THTPA: variants seen among roughly 807,000 people sequenced by gnomAD.
The protein encoded by THTPA is thiamine triphosphatase, also known as thiamine-triphosphatase.
Under a neutral mutation model 16.5 loss-of-function variants are expected in THTPA, and 16 were observed. The observed-to-expected ratio is 0.97, with a 90% CI of 0.66 to 1.47. The LOEUF is 1.47. Among genes scored for constraint, THTPA ranks in the 40% most tolerant of loss-of-function variants. The pLI, the probability that THTPA is intolerant of heterozygous loss-of-function variation, is 0.00. For missense variants in THTPA, 281 were observed against 280.9 expected, an observed-to-expected ratio of 1.00 and a Z score of 0.00; for synonymous variants, 110 against 115.5, an observed-to-expected ratio of 0.95 and a Z score of 0.30.
chr14:23,541,184 G>T, the THTPA span, among the ~76,000 whole-genome samples: 1 of 151,942 alleles, frequency 6.6e-6, no homozygotes, highest in East Asian at 1.9e-4. Flanking sequence ...GGGATTACAG[G>T]TGTGAGCCAC....
chr14:23,526,789 T>C, the THTPA span: 2 of 1,525,580 alleles, frequency 1.3e-6, no homozygotes, highest in Non-Finnish European at 1.8e-6. Context: ...TCAGACCTTG[T>C]TGGCCCATGG....
the THTPA span, among the ~76,000 whole-genome samples, chr14:23,529,066 T>C: frequency 6.6e-6 from 1 of 152,254 alleles, no homozygotes; most frequent in East Asian, 1.9e-4. Flanking sequence ...ACACTGCGTA[T>C]TGCAATAACA....
At chr14:23,541,488 T>C in the THTPA span, among the ~76,000 whole-genome samples, 1 of 151,948 alleles carries the variant, frequency 6.6e-6, no homozygotes, top group South Asian at 2.1e-4. Flanking sequence ...AGCTTCTCCA[T>C]GTTGGTCAGG....
At chr14:23,555,333 C>A (rs1018211265), upstream of THTPA, among the ~76,000 whole-genome samples, 1 of 152,128 alleles carries the variant, frequency 6.6e-6, no homozygotes, top group South Asian at 2.1e-4. Flanking sequence ...TAGTTCTACA[C>A]CTGACAAAAA....
the THTPA span, chr14:23,524,404 T>G: frequency 3.9e-6 from 6 of 1,536,194 alleles, no homozygotes; most frequent in Non-Finnish European, 5.2e-6. The surrounding 1 kb of genome is among the most constrained non-coding windows in gnomAD (Gnocchi z 5.6). Context: ...CTCCTCCCCC[T>G]GCTTCACTGC....
chr14:23,552,543 G>C (rs543665405), upstream of THTPA, among the ~76,000 whole-genome samples: 55 of 150,726 alleles, frequency 3.6e-4, no homozygotes, highest in Admixed American at 2.0e-3. Flanking sequence ...CGCCTGCCTC[G>C]GCCTCCCAAA....
chr14:23,522,590 G>C, the THTPA span: 3 of 1,528,356 alleles, frequency 2.0e-6, no homozygotes, highest in Non-Finnish European at 2.6e-6. Context: ...CTGTAGCTGG[G>C]GGCCAAAGAC....
At chr14:23,553,397 C>T (rs34534076), upstream of THTPA, among the ~76,000 whole-genome samples, 13,896 of 149,084 alleles carry the variant, frequency 0.093, 882 homozygotes, top group East Asian at 0.25. Context: ...GTCAGGAGTT[C>T]GAGACCAGCC....
chr14:23,557,789 C>A (rs909169910), intron 1 of THTPA, among the ~76,000 whole-genome samples: 1 of 152,100 alleles, frequency 6.6e-6, no homozygotes, highest in Non-Finnish European at 1.5e-5. Context: ...CACTCCTCCA[C>A]AAGGAGTAAA....
At chr14:23,521,757 T>G in the THTPA span, 1 of 845,252 alleles carries the variant, frequency 1.2e-6, no homozygotes, top group Non-Finnish European at 1.7e-6. Flanking sequence ...GGAGGATCAA[T>G]GTGTGTGTCT....
rs1054151968 is a variant in THTPA at position 23,556,787 on chromosome 14, A to T, written c.30A>T (p.Arg10=). Residue 10 remains arginine, a synonymous_variant, in exon 1 of 2, where the codon CGA becomes CGT. Transcript: ENST00000288014. ...CCCAGGGCTTGATTGAGGTGGAGCG[A>T]AAGTTCCTTCCAGGGCCTGGCACAG... MAQGLIEVE[R]KFLPGPGTEE... 5.6e-6 allele frequency: 9 copies of T among 1,613,580 alleles called. No individual in the cohort carries two copies. In the African/African-American group the frequency reaches 1.1e-4, roughly 19 times the overall value.
the THTPA span, chr14:23,523,622 C>T: frequency 6.4e-7 from 1 of 1,558,064 alleles, no homozygotes. This position sits in a 1 kb window ranked among gnomAD's most constrained non-coding sequence, Gnocchi z 4.1. Flanking sequence ...CTGGATGACT[C>T]TCTTGGGCAG....
chr14:23,512,152 C>T, the THTPA span, among the ~76,000 whole-genome samples: 8 of 152,096 alleles, frequency 5.3e-5, no homozygotes, highest in Non-Finnish European at 8.8e-5. Context: ...AATTCAGTAG[C>T]TAATTAATGA....
At chr14:23,555,023 T>C (rs1489342562), upstream of THTPA, among the ~76,000 whole-genome samples, 1 of 152,222 alleles carries the variant, frequency 6.6e-6, no homozygotes, top group Non-Finnish European at 1.5e-5. Flanking sequence ...AGTCTCGTTC[T>C]GTCGCCCAGG....
chr14:23,522,285 C>A, the THTPA span: 1 of 1,502,492 alleles, frequency 6.7e-7, no homozygotes, highest in Non-Finnish European at 8.9e-7. Context: ...TGGGCAGTAG[C>A]CGGGGCCTCC....
chr14:23,543,797 T>G, the THTPA span: 1 of 152,126 alleles, frequency 6.6e-6, no homozygotes, highest in Non-Finnish European at 1.5e-5. Flanking sequence ...GCATATGAAC[T>G]TCATCAGACA....
the THTPA span, chr14:23,523,429 C>T: frequency 6.5e-7 from 1 of 1,533,580 alleles, no homozygotes; most frequent in Admixed American, 2.0e-5. This position sits in a 1 kb window ranked among gnomAD's most constrained non-coding sequence, Gnocchi z 4.1. Context: ...TGAGCTTGGC[C>T]AGGTGCTGAC....
At chr14:23,545,180 A>G in the THTPA span, among the ~76,000 whole-genome samples, 1 of 151,910 alleles carries the variant, frequency 6.6e-6, no homozygotes, top group African/African-American at 2.4e-5. Context: ...AGGGGAAACC[A>G]GCAAAGACAA....
the THTPA span, among the ~76,000 whole-genome samples, chr14:23,540,645 A>G: frequency 6.6e-6 from 1 of 152,250 alleles, no homozygotes; most frequent in Admixed American, 6.5e-5. Context: ...GCCAGGTTCA[A>G]TCCTTGCTCC....
Sources: allele counts gnomAD v4.1 joint callset (sites outside exome capture counted in the v4.1 genomes callset), GRCh38; gene constraint gnomAD v4.1.1; non-coding constraint Gnocchi (gnomAD v3.1); transcripts MANE v1.5; gene names NCBI Gene and HGNC (gene_info 2026-07-23, HGNC 2026-07-21).